The following SGCD variants were observed in gnomAD, a reference collection of about 807,000 sequenced individuals.
The protein encoded by SGCD is delta-sarcoglycan.
Under a neutral mutation model 36.6 loss-of-function variants are expected in SGCD, and 18 were observed. The observed-to-expected ratio is 0.49, with a 90% CI of 0.34 to 0.73. The LOEUF (loss-of-function observed/expected upper bound fraction) is 0.73, where lower values mean the gene tolerates loss of function less well. Ranked by LOEUF, SGCD falls within the 30% of genes least tolerant of loss-of-function variation. The probability of loss-of-function intolerance (pLI) is 0.01; values close to 1 mark genes in which losing one functional copy is unlikely to be tolerated. For missense variants in SGCD, 387 were observed against 346.7 expected (o/e 1.12, Z -0.92); for synonymous variants, 133 against 130.6 (o/e 1.02, Z -0.12).
chr5:156,358,407 CT>C (rs1485270024), intron 3 of SGCD, among the ~76,000 whole-genome samples: 3 of 152,176 alleles, frequency 2.0e-5, no homozygotes, highest in African/African-American at 7.2e-5. Flanking sequence ...ATTTCCTAGT[CT>C]CAGTTAAGTG....
Position 156,443,814 on chromosome 5 carries a change from C to T in SGCD, c.193-64787C>T, listed in dbSNP as rs188177005. On this transcript the variant is annotated intron_variant, in intron 3 of 8. Transcript: ENST00000337851. ...CCCATGTGCCAGTGTTCCACTGGAT[C>T]CATGAGAAAGAGCACACAGCAGTGG... Among the ~76,000 whole-genome samples the T allele has an allele frequency of 1.6e-3, 244 of 152,106 alleles. 1 individual carries two copies. The highest frequency in any genetic ancestry group is 5.8e-3 in the African/African-American group (239 of 41,500).
the SGCD span, among the ~76,000 whole-genome samples, chr5:155,864,846 A>G: frequency 6.6e-6 from 1 of 152,214 alleles, no homozygotes; most frequent in Non-Finnish European, 1.5e-5. Context: ...CTTAGGAAAA[A>G]TAGGAACCCA....
chr5:156,584,336 G>A (rs1037582107), intron 4 of SGCD, among the ~76,000 whole-genome samples: 5 of 152,168 alleles, frequency 3.3e-5, no homozygotes, highest in Admixed American at 6.5e-5. Flanking sequence ...TGTGTTCACT[G>A]CAAACGTTGA....
At chr5:156,315,687 G>A (rs1040176029) in intron 3 of SGCD, among the ~76,000 whole-genome samples, 4 of 151,610 alleles carry the variant, frequency 2.6e-5, no homozygotes, top group African/African-American at 4.8e-5. Flanking sequence ...AATATGCAAG[G>A]GTTCTCTTTT....
intron 3 of SGCD, among the ~76,000 whole-genome samples, chr5:156,239,829 A>G (rs1765265137): frequency 6.6e-6 from 1 of 152,208 alleles, no homozygotes; most frequent in Non-Finnish European, 1.5e-5. Context: ...CAAGGTAACA[A>G]AATGTTTTGG....
At chr5:156,649,152 C>T (rs1763352591) in intron 7 of SGCD, among the ~76,000 whole-genome samples, 1 of 152,122 alleles carries the variant, frequency 6.6e-6, no homozygotes, top group Admixed American at 6.6e-5. Flanking sequence ...AAATCAAAAC[C>T]ACAATGAGAT....
intron 3 of SGCD, among the ~76,000 whole-genome samples, chr5:156,479,625 C>T (rs1216298135): frequency 6.6e-6 from 1 of 152,174 alleles, no homozygotes; most frequent in Non-Finnish European, 1.5e-5. Context: ...TACCTATGCT[C>T]ACAACTCCAA....
chr5:156,193,208 T>C (rs1032499072), intron 3 of SGCD, among the ~76,000 whole-genome samples: 2 of 152,132 alleles, frequency 1.3e-5, no homozygotes, highest in Non-Finnish European at 2.9e-5. Context: ...GCTGGACTCC[T>C]GTGCTTCCAG....
At chr5:156,211,540 G>T (rs1294483550) in intron 3 of SGCD, among the ~76,000 whole-genome samples, 2 of 151,372 alleles carry the variant, frequency 1.3e-5, no homozygotes, top group Non-Finnish European at 2.9e-5. Context: ...CCTGGGAGGC[G>T]GAGCCTGCAG....
chr5:156,601,680 T>C (rs1225115028), intron 6 of SGCD, among the ~76,000 whole-genome samples: 1 of 152,126 alleles, frequency 6.6e-6, no homozygotes, highest in Non-Finnish European at 1.5e-5. Flanking sequence ...TTGGGTTTTT[T>C]TGTTTGGTTG....
intron 1 of SGCD, among the ~76,000 whole-genome samples, chr5:156,116,942 G>C (rs1761920025): frequency 6.6e-6 from 1 of 151,994 alleles, no homozygotes; most frequent in African/African-American, 2.4e-5. Flanking sequence ...CTACTCCTCT[G>C]AGCCTCAGAC....
chr5:156,484,213 A>G (rs759873907), intron 3 of SGCD, among the ~76,000 whole-genome samples: 8 of 152,202 alleles, frequency 5.3e-5, no homozygotes, highest in Non-Finnish European at 8.8e-5. Flanking sequence ...AATCTCTACC[A>G]TTAACAGAAG....
chr5:156,347,304 G>A (rs1456693359), intron 3 of SGCD, among the ~76,000 whole-genome samples: 1 of 152,148 alleles, frequency 6.6e-6, no homozygotes, highest in African/African-American at 2.4e-5. Context: ...CTGTCGATGT[G>A]CATGTTCTGT....
chr5:156,072,645 T>G (rs1338340185), intron 1 of SGCD, among the ~76,000 whole-genome samples: 3 of 152,198 alleles, frequency 2.0e-5, no homozygotes, highest in Admixed American at 6.5e-5. Flanking sequence ...CTTTGTGGTG[T>G]TCTCTGTATT....
chr5:155,961,771 T>C (rs929925518), intron 1 of SGCD, among the ~76,000 whole-genome samples: 1 of 152,118 alleles, frequency 6.6e-6, no homozygotes, highest in Non-Finnish European at 1.5e-5. Flanking sequence ...TTTAAATCCT[T>C]ACTTTAATCC....
chr5:156,435,071 C>T (rs962113265), intron 3 of SGCD, among the ~76,000 whole-genome samples: 2 of 152,164 alleles, frequency 1.3e-5, no homozygotes, highest in Non-Finnish European at 2.9e-5. Context: ...AGAATAAAAG[C>T]AAATACTTAA....
chr5:155,763,117 C>A, the SGCD span, among the ~76,000 whole-genome samples: 1 of 152,124 alleles, frequency 6.6e-6, no homozygotes, highest in Non-Finnish European at 1.5e-5. Flanking sequence ...CAATTGAACT[C>A]TCTTGTTATT....
intron 3 of SGCD, among the ~76,000 whole-genome samples, chr5:156,180,337 C>A (rs4342313): frequency 2.0e-5 from 3 of 151,846 alleles, no homozygotes; most frequent in Non-Finnish European, 4.4e-5. Flanking sequence ...CTCATTTAAA[C>A]GTTGTGCTGT....
chr5:156,604,093 A>G (rs1390178686), intron 6 of SGCD, among the ~76,000 whole-genome samples: 1 of 151,804 alleles, frequency 6.6e-6, no homozygotes, highest in Middle Eastern at 3.2e-3. Flanking sequence ...GGGTTTCTTT[A>G]TTTACAATTG....
Sources: gnomAD v4.1 joint callset for allele counts (sites outside exome capture counted in the v4.1 genomes callset) on GRCh38, gnomAD v4.1.1 for gene constraint, MANE v1.5 for transcripts, NCBI Gene and HGNC (gene_info 2026-07-23, HGNC 2026-07-21) for gene names.